Variants in CRTC3 observed in about 807,000 individuals in gnomAD.
CRTC3 encodes CREB-regulated transcription coactivator 3.
Under a neutral mutation model 74.5 loss-of-function variants are expected in CRTC3, and 26 were observed. The ratio of observed to expected loss-of-function variants is 0.35; its 90% CI spans 0.26 to 0.48. The LOEUF (loss-of-function observed/expected upper bound fraction) is 0.48. Ranked by LOEUF, CRTC3 falls within the 20% of genes least tolerant of loss-of-function variation. The pLI is 0.99. For synonymous variants in CRTC3, 377 were observed against 325.8 expected, an observed-to-expected ratio of 1.16 and a Z score of -1.69; for missense variants, 760 against 787.3, an observed-to-expected ratio of 0.97 and a Z score of 0.41.
intron 2 of CRTC3, among the ~76,000 whole-genome samples, chr15:90,569,571 G>T (rs12906864): frequency 0.025 from 1,285 of 51,140 alleles, 58 homozygotes; most frequent in Non-Finnish European, 0.034. Flanking sequence ...TTGTAAATTG[G>T]TATACGTCTT....
chr15:90,558,673 T>C (rs1966946716), intron 2 of CRTC3, among the ~76,000 whole-genome samples: 1 of 151,764 alleles, frequency 6.6e-6, no homozygotes, highest in Non-Finnish European at 1.5e-5. Context: ...AAATCTAAAT[T>C]CCCTCCACCG....
chr15:90,536,223 C>T (rs1385967008), intron 1 of CRTC3, among the ~76,000 whole-genome samples: 1 of 152,034 alleles, frequency 6.6e-6, no homozygotes, highest in Non-Finnish European at 1.5e-5. Flanking sequence ...AATTTAAGTC[C>T]TCTAACTTAG....
At chr15:90,533,221 G>A (rs946915373) in intron 1 of CRTC3, among the ~76,000 whole-genome samples, 8 of 148,218 alleles carry the variant, frequency 5.4e-5, no homozygotes, top group Admixed American at 2.7e-4. Context: ...GGCTAACACA[G>A]TGAAACCCTG....
At chr15:90,564,176 G>A (rs537736845) in intron 2 of CRTC3, among the ~76,000 whole-genome samples, 2 of 152,282 alleles carry the variant, frequency 1.3e-5, no homozygotes, top group South Asian at 4.1e-4. Flanking sequence ...TTTGATTCTG[G>A]AGTTCATGCT....
chr15:90,555,531 T>C (rs1208121727), intron 2 of CRTC3, among the ~76,000 whole-genome samples: 6 of 152,160 alleles, frequency 3.9e-5, no homozygotes, highest in Non-Finnish European at 8.8e-5. Context: ...TTATTTTTTA[T>C]TTTTGAGATG....
chr15:90,607,469 C>A lies in CRTC3; in HGVS notation c.568C>A (p.Pro190Thr). Residue 190 changes from proline (P) to threonine (T), a missense_variant, in exon 6 of 15, where the codon CCA becomes ACA. Physicochemically the swap from Pro to Thr is conservative, Grantham distance 38. Coordinates refer to ENST00000268184, the MANE Select transcript of CRTC3 (RefSeq NM_022769.5). ...GGGGQSAWPA[P>T]YMGFCDGENN... ...AGGGGGCCAGTCGGCCTGGCCTGCC[C>A]CATACATGGGTAAGACACACAGGCC... 6.2e-7 allele frequency: 1 copy of A among 1,601,764 alleles called. No individual in the cohort carries two copies. The highest frequency in any genetic ancestry group is 8.5e-7 in the Non-Finnish European group (1 of 1,169,992).
chr15:90,559,889 C>T (rs1050373500), intron 2 of CRTC3, among the ~76,000 whole-genome samples: 20 of 152,338 alleles, frequency 1.3e-4, no homozygotes, highest in Middle Eastern at 3.4e-3. Flanking sequence ...GTGATCCATC[C>T]GCCTTGGCCT....
intron 2 of CRTC3, among the ~76,000 whole-genome samples, chr15:90,544,900 G>A (rs761271572): frequency 4.6e-5 from 7 of 152,156 alleles, no homozygotes; most frequent in Non-Finnish European, 8.8e-5. Flanking sequence ...ATTTTTAAAT[G>A]TATAGTTCAG....
At chr15:90,545,722 A>T (rs915947988) in intron 2 of CRTC3, among the ~76,000 whole-genome samples, 4 of 147,526 alleles carry the variant, frequency 2.7e-5, no homozygotes, top group African/African-American at 9.9e-5. Context: ...GACTACAGGC[A>T]CCTGCCACCA....
chr15:90,575,542 G>T (rs1429824308), intron 2 of CRTC3, among the ~76,000 whole-genome samples: 1 of 152,092 alleles, frequency 6.6e-6, no homozygotes, highest in African/African-American at 2.4e-5. Flanking sequence ...CACTTTGCTA[G>T]CTAGTTGTCT....
At chr15:90,618,003 C>T (rs776413991) in intron 8 of CRTC3, 35 bp downstream of exon 8, 15 of 1,397,132 alleles carry the variant, frequency 1.1e-5, no homozygotes, top group Non-Finnish European at 6.1e-6. Flanking sequence ...TTTGTTGTCA[C>T]TGAATGTTTG....
intron 2 of CRTC3, among the ~76,000 whole-genome samples, chr15:90,563,958 T>C (rs1489404254): frequency 6.6e-6 from 1 of 152,228 alleles, no homozygotes; most frequent in African/African-American, 2.4e-5. Flanking sequence ...TGACCACTGC[T>C]GGCAAAAATG....
At chr15:90,535,375 A>G (rs1224967880) in intron 1 of CRTC3, among the ~76,000 whole-genome samples, 5 of 152,202 alleles carry the variant, frequency 3.3e-5, no homozygotes, top group Non-Finnish European at 7.3e-5. Flanking sequence ...GTCTGACACA[A>G]AAGATGTGTC....
chr15:90,640,765 G>A (rs1254616663), intron 13 of CRTC3, among the ~76,000 whole-genome samples: 2 of 152,060 alleles, frequency 1.3e-5, no homozygotes, highest in Middle Eastern at 3.2e-3. Flanking sequence ...CCCACAGAAG[G>A]CAGTTTGCAA....
At chr15:90,598,692 A>C (rs1197794465) in intron 3 of CRTC3, 1 of 599,286 alleles carries the variant, frequency 1.7e-6, no homozygotes, top group East Asian at 2.8e-5. Flanking sequence ...TGTCTTGGGT[A>C]CTTTTGGCAG....
intron 2 of CRTC3, among the ~76,000 whole-genome samples, chr15:90,588,114 G>A (rs963489480): frequency 6.6e-5 from 10 of 151,890 alleles, no homozygotes; most frequent in Non-Finnish European, 1.5e-4. Flanking sequence ...TAAAAAATTA[G>A]CCAGGCATGG....
intron 2 of CRTC3, among the ~76,000 whole-genome samples, chr15:90,548,173 G>A (rs1376273676): frequency 6.6e-6 from 1 of 152,072 alleles, no homozygotes; most frequent in Non-Finnish European, 1.5e-5. Flanking sequence ...ACAGGTGTGA[G>A]CCACCACTCC....
intron 2 of CRTC3, among the ~76,000 whole-genome samples, chr15:90,544,963 G>A (rs946550261): frequency 6.6e-6 from 1 of 152,092 alleles, no homozygotes; most frequent in African/African-American, 2.4e-5. Context: ...TTTTTCATCT[G>A]ACAAAACTGA....
intron 2 of CRTC3, among the ~76,000 whole-genome samples, chr15:90,569,472 A>G (rs1967208048): frequency 1.3e-5 from 1 of 77,828 alleles, no homozygotes; most frequent in Middle Eastern, 7.8e-3. Flanking sequence ...GGCATGCGCC[A>G]CCACACCTGG....
Sources: gnomAD v4.1 joint callset for allele counts (sites outside exome capture counted in the v4.1 genomes callset) on GRCh38, gnomAD v4.1.1 for gene constraint, MANE v1.5 for transcripts, NCBI Gene and HGNC (gene_info 2026-07-23, HGNC 2026-07-21) for gene names.